KCNT2: variants seen among roughly 807,000 people sequenced by gnomAD.
KCNT2 encodes the protein potassium sodium-activated channel subfamily T member 2.
A neutral mutation model predicts 153.8 loss-of-function variants in KCNT2; 67 were observed. The ratio of observed to expected loss-of-function variants is 0.44; its 90% CI spans 0.36 to 0.53. The LOEUF (loss-of-function observed/expected upper bound fraction) is 0.53. Ranked by LOEUF, KCNT2 falls within the 20% of genes least tolerant of loss-of-function variation. The pLI, the probability that KCNT2 is intolerant of heterozygous loss-of-function variation, is 0.00. For missense variants in KCNT2, 975 were observed against 1,354.8 expected, an observed-to-expected ratio of 0.72 and a Z score of 4.40; for synonymous variants, 500 against 458.8, an observed-to-expected ratio of 1.09 and a Z score of -1.15.
intron 22 of KCNT2, among the ~76,000 whole-genome samples, chr1:196,294,907 G>T (rs1660541439): frequency 6.6e-6 from 1 of 151,624 alleles, no homozygotes; most frequent in South Asian, 2.1e-4. Context: ...TGGTGGAAGG[G>T]CATAAGGGGA....
intron 21 of KCNT2, among the ~76,000 whole-genome samples, chr1:196,309,080 G>T (rs1012178835): frequency 6.6e-6 from 1 of 151,694 alleles, no homozygotes; most frequent in Non-Finnish European, 1.5e-5. Context: ...GATACATTTT[G>T]GCTAACAAAA....
intron 21 of KCNT2, 34 bp downstream of exon 21, chr1:196,315,858 G>C: frequency 6.4e-7 from 1 of 1,569,196 alleles, no homozygotes; most frequent in African/African-American, 1.4e-5. Context: ...TTAGCACAAA[G>C]TAAGTGGCAA....
intron 11 of KCNT2, among the ~76,000 whole-genome samples, chr1:196,423,558 T>C (rs1673392898): frequency 6.6e-6 from 1 of 151,766 alleles, no homozygotes; most frequent in Non-Finnish European, 1.5e-5. Flanking sequence ...AGATCATTCA[T>C]CATCTTTTTC....
chr1:196,269,343 G>A (rs940325044), intron 25 of KCNT2, among the ~76,000 whole-genome samples: 9 of 152,010 alleles, frequency 5.9e-5, no homozygotes, highest in Non-Finnish European at 1.0e-4. Flanking sequence ...GTTTCAACAT[G>A]CGAGTGTGTG....
At chr1:196,257,365 A>G in intron 26 of KCNT2, 8 of 979,094 alleles carry the variant, frequency 8.2e-6, no homozygotes, top group South Asian at 9.4e-5. Flanking sequence ...TGAGATTTCA[A>G]TAATAAACAA....
intron 13 of KCNT2, among the ~76,000 whole-genome samples, chr1:196,392,077 T>C (rs1015870293): frequency 5.9e-5 from 9 of 151,350 alleles, no homozygotes; most frequent in African/African-American, 2.2e-4. Context: ...TTAAGAGAGC[T>C]CCGCTGATAT....
At chr1:196,409,616 C>A (rs545769851) in intron 12 of KCNT2, among the ~76,000 whole-genome samples, 1 of 151,706 alleles carries the variant, frequency 6.6e-6, no homozygotes, top group Non-Finnish European at 1.5e-5. Context: ...CACATCATTT[C>A]TATTTGCTAA....
chr1:196,327,039 C>A, intron 18 of KCNT2, 150 bp from the exon 19 acceptor site: 1 of 543,670 alleles, frequency 1.8e-6, no homozygotes, highest in Non-Finnish European at 3.1e-6. Context: ...TTTTCTGTGC[C>A]CATTTCTGCA....
At chr1:196,472,102 A>G (rs539007151) in intron 5 of KCNT2, among the ~76,000 whole-genome samples, 1 of 152,262 alleles carries the variant, frequency 6.6e-6, no homozygotes, top group Non-Finnish European at 1.5e-5. Flanking sequence ...CACACCTTCA[A>G]TACTAATCTC....
At chr1:196,469,861 A>G (rs892720657) in intron 5 of KCNT2, among the ~76,000 whole-genome samples, 3 of 152,174 alleles carry the variant, frequency 2.0e-5, no homozygotes, top group African/African-American at 7.2e-5. Context: ...TTCTTCTATG[A>G]AGAGATCTAT....
At chr1:196,320,507 A>C (rs1663187155) in intron 19 of KCNT2, among the ~76,000 whole-genome samples, 1 of 151,816 alleles carries the variant, frequency 6.6e-6, no homozygotes, top group African/African-American at 2.4e-5. Context: ...GCTGATATTT[A>C]ATTTGAATGT....
At chr1:196,551,375 G>A (rs1314686172) in intron 1 of KCNT2, among the ~76,000 whole-genome samples, 1 of 151,758 alleles carries the variant, frequency 6.6e-6, no homozygotes, top group African/African-American at 2.4e-5. Flanking sequence ...GTAGATGTGG[G>A]GATTCTGAGG....
intron 1 of KCNT2, among the ~76,000 whole-genome samples, chr1:196,599,355 T>C (rs954151585): frequency 8.5e-5 from 13 of 152,238 alleles, no homozygotes; most frequent in African/African-American, 2.9e-4. Context: ...TGTGCCCTTG[T>C]AATAACAATT....
At position 196,608,331 on chromosome 1, in the gene KCNT2, C is replaced by T. The variant is rs557123026; in HGVS notation, c.-22G>A. 5.7e-5 allele frequency: 89 copies of T among 1,574,376 alleles called. 2 individuals are homozygous for T. In the South Asian group the frequency reaches 9.5e-4, roughly 17 times the overall value. On this transcript the variant is annotated 5_prime_UTR_variant, in exon 1 of 28. The change abolishes an upstream ATG in the 5' untranslated region. Transcript: ENST00000294725. ...CCATCCTTCCTCAAAGAGTGGGAAA[C>T]ATCAAACAACAAATGGAGGAGAGGA...
rs1000320866 is a variant in KCNT2 at position 196,225,883 on chromosome 1, A to C, written c.*2341T>G. The stretch of plus-strand genomic sequence containing the variant: ...ACAGAATCAATTCCCATTGGGCTAC[A>C]AGGACTATTATTGACTTTATATTTT... On this transcript the variant is annotated 3_prime_UTR_variant, in exon 28 of 28. Coordinates refer to ENST00000294725, the MANE Select transcript of KCNT2 (RefSeq NM_198503.5). 1 of 152,144 alleles carries C rather than the reference A, an allele frequency of 6.6e-6. No individual in the cohort carries two copies. Among genetic ancestry groups the C allele is most frequent in the Non-Finnish European group, 1.5e-5 (1 of 67,974 alleles). 9.4% of individuals were successfully genotyped at this position (152,144 alleles called of 1,614,324 possible). A position where few individuals can be genotyped will look rare whatever the true frequency, so the allele number is the denominator to read the frequency against.
chr1:196,317,742 G>C (rs925246152), intron 20 of KCNT2, among the ~76,000 whole-genome samples: 4 of 151,644 alleles, frequency 2.6e-5, no homozygotes, highest in Admixed American at 6.6e-5. Flanking sequence ...GTGAACATTT[G>C]ACCAAAACTT....
At chr1:196,426,966 A>G (rs540096243) in intron 10 of KCNT2, among the ~76,000 whole-genome samples, 11 of 151,948 alleles carry the variant, frequency 7.2e-5, no homozygotes, top group Non-Finnish European at 1.5e-4. Context: ...ACATGTTTCC[A>G]GTATAGCCTG....
chr1:196,371,666 A>C (rs1668549779), intron 14 of KCNT2, among the ~76,000 whole-genome samples: 1 of 152,058 alleles, frequency 6.6e-6, no homozygotes, highest in African/African-American at 2.4e-5. Context: ...AATAAGGCAA[A>C]ATTCATTAGA....
At chr1:196,286,621 A>T (rs1659682794) in intron 22 of KCNT2, among the ~76,000 whole-genome samples, 1 of 140,796 alleles carries the variant, frequency 7.1e-6, no homozygotes, top group Non-Finnish European at 1.5e-5. Context: ...TGTATATCAC[A>T]CACACACACA....
Sources: gnomAD v4.1 joint callset for allele counts (sites outside exome capture counted in the v4.1 genomes callset) on GRCh38, gnomAD v4.1.1 for gene constraint, MANE v1.5 for transcripts, NCBI Gene and HGNC (gene_info 2026-07-23, HGNC 2026-07-21) for gene names.